The following PHF24 variants were observed in gnomAD, a reference collection of about 807,000 sequenced individuals.
PHF24 encodes the protein Galpha inhibitory interacting protein.
A neutral mutation model predicts 42.6 loss-of-function variants in PHF24; 25 were observed. The ratio of observed to expected loss-of-function variants is 0.59; its 90% CI spans 0.43 to 0.82. PHF24 has a LOEUF of 0.82. Among genes scored for constraint, PHF24 ranks in the 40% least tolerant of loss-of-function variants. The probability of loss-of-function intolerance (pLI) is 0.00; values close to 1 mark genes in which losing one functional copy is unlikely to be tolerated. For synonymous variants in PHF24, 185 were observed against 204.8 expected, an observed-to-expected ratio of 0.90 and a Z score of 0.83; for missense variants, 470 against 538.1, an observed-to-expected ratio of 0.87 and a Z score of 1.25.
the PHF24 span, among the ~76,000 whole-genome samples, chr9:34,843,971 C>T: frequency 3.3e-5 from 5 of 152,034 alleles, no homozygotes; most frequent in Non-Finnish European, 7.4e-5. Flanking sequence ...TTTCAATCTC[C>T]ATATTTATTG....
At chr9:34,837,176 T>C in the PHF24 span, 5 of 469,418 alleles carry the variant, frequency 1.1e-5, no homozygotes, top group African/African-American at 4.0e-5. Context: ...TGGTAGAGTT[T>C]TCAGAGTATC....
chr9:34,666,382 C>T, the PHF24 span, among the ~76,000 whole-genome samples: 117 of 152,140 alleles, frequency 7.7e-4, no homozygotes, highest in African/African-American at 2.7e-3. Context: ...CTCTTGCCTG[C>T]CTTCCTCCCC....
intron 1 of PHF24, among the ~76,000 whole-genome samples, chr9:34,965,512 G>A (rs557987890): frequency 1.4e-3 from 213 of 152,224 alleles, no homozygotes; most frequent in Non-Finnish European, 2.3e-3. Flanking sequence ...ACTGGAAAGC[G>A]TTTGTTTTTA....
chr9:34,863,111 A>C, the PHF24 span, among the ~76,000 whole-genome samples: 37 of 152,146 alleles, frequency 2.4e-4, no homozygotes, highest in Non-Finnish European at 5.3e-4. Context: ...CCACAGTAGA[A>C]TAGAGCACCA....
At chr9:34,763,101 C>G in the PHF24 span, among the ~76,000 whole-genome samples, 2 of 152,228 alleles carry the variant, frequency 1.3e-5, no homozygotes, top group Admixed American at 1.3e-4. Flanking sequence ...GTTACTGTAG[C>G]CTTGTAGTAT....
At chr9:34,720,464 AAAC>A in the PHF24 span, among the ~76,000 whole-genome samples, 2 of 150,152 alleles carry the variant, frequency 1.3e-5, no homozygotes, top group Non-Finnish European at 3.0e-5. Context: ...AAAAAAAACA[AAAC>A]AAAACAAAAA....
At chr9:34,761,686 T>A in the PHF24 span, among the ~76,000 whole-genome samples, 3 of 152,188 alleles carry the variant, frequency 2.0e-5, no homozygotes, top group Non-Finnish European at 2.9e-5. Context: ...TTGTGCTGTT[T>A]GATTTTTTTA....
At chr9:34,935,257 G>A in the PHF24 span, among the ~76,000 whole-genome samples, 3 of 152,098 alleles carry the variant, frequency 2.0e-5, no homozygotes, top group African/African-American at 7.2e-5. Flanking sequence ...TCAGTGGAAG[G>A]GTAGGAATGA....
At chr9:34,943,061 A>G in the PHF24 span, among the ~76,000 whole-genome samples, 1 of 152,204 alleles carries the variant, frequency 6.6e-6, no homozygotes, top group African/African-American at 2.4e-5. Flanking sequence ...ATGTACCTGA[A>G]CACTCATCAA....
chr9:34,873,460 G>A, the PHF24 span, among the ~76,000 whole-genome samples: 1 of 151,070 alleles, frequency 6.6e-6, no homozygotes, highest in Non-Finnish European at 1.5e-5. Context: ...ATTAAATAGG[G>A]AATCCTTTCC....
the PHF24 span, among the ~76,000 whole-genome samples, chr9:34,919,961 C>T: frequency 2.6e-5 from 4 of 152,140 alleles, no homozygotes; most frequent in Non-Finnish European, 5.9e-5. Context: ...TGTTGGTGGA[C>T]ACTTAGTTTG....
chr9:34,710,267 A>C, the PHF24 span: 55 of 592,038 alleles, frequency 9.3e-5, no homozygotes, highest in Non-Finnish European at 1.6e-4. Flanking sequence ...AACTAAGTGG[A>C]CAGTCCTCAG....
At chr9:34,780,448 A>G in the PHF24 span, among the ~76,000 whole-genome samples, 1 of 150,738 alleles carries the variant, frequency 6.6e-6, no homozygotes, top group Admixed American at 6.6e-5. Context: ...CACCACACCC[A>G]GTTAATTTTT....
chr9:34,714,153 C>A, the PHF24 span, among the ~76,000 whole-genome samples: 1 of 152,086 alleles, frequency 6.6e-6, no homozygotes, highest in Non-Finnish European at 1.5e-5. Flanking sequence ...AAGGCTGAGA[C>A]CTTAAGCAGG....
At chr9:34,713,025 A>C in the PHF24 span, among the ~76,000 whole-genome samples, 3 of 152,290 alleles carry the variant, frequency 2.0e-5, no homozygotes, top group East Asian at 5.8e-4. Flanking sequence ...GGCATTCTGA[A>C]TATTACAGTG....
At chr9:34,691,406 T>G in the PHF24 span, 1 of 463,470 alleles carries the variant, frequency 2.2e-6, no homozygotes, top group Non-Finnish European at 3.9e-6. Flanking sequence ...CCTGCCCCCC[T>G]TCTTCCCCCT....
the PHF24 span, chr9:34,681,359 T>C: frequency 6.6e-6 from 1 of 152,174 alleles, no homozygotes; most frequent in Non-Finnish European, 1.5e-5. Context: ...AGATGTAAGA[T>C]TACAGTAAAA....
chr9:34,824,308 C>CTT, the PHF24 span, among the ~76,000 whole-genome samples: 1 of 152,236 alleles, frequency 6.6e-6, no homozygotes, highest in Non-Finnish European at 1.5e-5. Flanking sequence ...GCCCCATGGA[C>CTT]TGTGCAGCTG....
chr9:34,898,998 T>G, the PHF24 span, among the ~76,000 whole-genome samples: 4 of 152,236 alleles, frequency 2.6e-5, no homozygotes, highest in African/African-American at 9.6e-5. Flanking sequence ...TTTTGTAGAT[T>G]AGGCCTTTAG....
Sources: gnomAD v4.1 joint callset for allele counts (sites outside exome capture counted in the v4.1 genomes callset) on GRCh38, gnomAD v4.1.1 for gene constraint, MANE v1.5 for transcripts, NCBI Gene and HGNC (gene_info 2026-07-23, HGNC 2026-07-21) for gene names.